The following MTUS2 variants were observed in gnomAD, a reference collection of about 807,000 sequenced individuals.
The protein encoded by MTUS2 is microtubule associated scaffold protein 2.
In MTUS2, 40 loss-of-function variants were observed where a neutral mutation model predicts 114.1. That is an observed-to-expected ratio of 0.35 (90% CI 0.27 to 0.46). The LOEUF (loss-of-function observed/expected upper bound fraction) is 0.46, where lower values mean the gene tolerates loss of function less well. MTUS2 is among the 20% of genes least tolerant of loss of function. The pLI is 1.00. For synonymous variants in MTUS2, 688 were observed against 672.0 expected (o/e 1.02, Z -0.37); for missense variants, 1,679 against 1,705.4 (o/e 0.98, Z 0.27).
intron 2 of MTUS2, among the ~76,000 whole-genome samples, chr13:28,951,494 A>G (rs1882805894): frequency 6.6e-6 from 1 of 152,120 alleles, no homozygotes; most frequent in African/African-American, 2.4e-5. Context: ...CATTCTCTTA[A>G]TTAAAAAAAA....
intron 5 of MTUS2, among the ~76,000 whole-genome samples, chr13:29,183,083 AT>A (rs1199982681): frequency 6.6e-6 from 1 of 152,212 alleles, no homozygotes; most frequent in African/African-American, 2.4e-5. Flanking sequence ...TTATGTCTTA[AT>A]CATATCCATC....
chr13:29,001,916 C>T (rs776172729), intron 2 of MTUS2, among the ~76,000 whole-genome samples: 4 of 152,132 alleles, frequency 2.6e-5, no homozygotes, highest in African/African-American at 9.7e-5. Context: ...TACAGCTAAG[C>T]ATTCAGGTCG....
chr13:28,885,337 G>A (rs978829345), intron 2 of MTUS2, among the ~76,000 whole-genome samples: 9 of 152,124 alleles, frequency 5.9e-5, no homozygotes, highest in African/African-American at 1.9e-4. Flanking sequence ...TTACTTCTGT[G>A]GATAAAGGGA....
chr13:29,363,164 C>T (rs1688734350), intron 8 of MTUS2, among the ~76,000 whole-genome samples: 1 of 152,116 alleles, frequency 6.6e-6, no homozygotes, highest in African/African-American at 2.4e-5. Flanking sequence ...CTGTGTGGTT[C>T]CCCGTAATGC....
chr13:28,975,534 G>C (rs1453340509), intron 2 of MTUS2, among the ~76,000 whole-genome samples: 1 of 151,662 alleles, frequency 6.6e-6, no homozygotes, highest in Non-Finnish European at 1.5e-5. Context: ...CAGCACTGTA[G>C]GAAAACCCAT....
At chr13:29,307,336 A>T (rs1334643881) in intron 6 of MTUS2, 9 of 700,848 alleles carry the variant, frequency 1.3e-5, no homozygotes, top group Non-Finnish European at 2.1e-5. Context: ...CACCCAGAAG[A>T]CTGTGGATGG....
At chr13:29,064,336 G>A (rs950693222) in intron 4 of MTUS2, among the ~76,000 whole-genome samples, 1 of 150,926 alleles carries the variant, frequency 6.6e-6, no homozygotes, top group Admixed American at 6.6e-5. Flanking sequence ...AAAGCCAGAT[G>A]GGTAGGTTGG....
chr13:28,978,936 C>G (rs1232342811), intron 2 of MTUS2, among the ~76,000 whole-genome samples: 1 of 152,184 alleles, frequency 6.6e-6, no homozygotes, highest in African/African-American at 2.4e-5. Flanking sequence ...CCATTTCACT[C>G]AATATGACCT....
At chr13:29,005,386 A>G (rs1045578691) in intron 2 of MTUS2, among the ~76,000 whole-genome samples, 16 of 152,152 alleles carry the variant, frequency 1.1e-4, no homozygotes, top group African/African-American at 3.6e-4. Flanking sequence ...TCCAAATTGT[A>G]AATGGTGATT....
chr13:28,838,290 A>C (rs1352544330), intron 1 of MTUS2, among the ~76,000 whole-genome samples: 1 of 152,180 alleles, frequency 6.6e-6, no homozygotes, highest in Non-Finnish European at 1.5e-5. Flanking sequence ...AATTTTCTAT[A>C]TCTGGGGTAC....
chr13:28,850,890 C>T (rs1481522503), intron 2 of MTUS2, among the ~76,000 whole-genome samples: 2 of 152,148 alleles, frequency 1.3e-5, no homozygotes, highest in Non-Finnish European at 2.9e-5. Context: ...TTGATTTTTG[C>T]ATTCAGAATT....
rs553301740 is a variant in MTUS2 at position 29,037,635 on chromosome 13, T to C, written c.2446+3510T>C. Among the ~76,000 whole-genome samples the C allele has an allele frequency of 4.6e-5, 7 of 152,332 alleles. No homozygotes were observed. The East Asian group carries it at 1.2e-3, about 25-fold the overall frequency. On this transcript the variant is annotated intron_variant, in intron 4 of 15. Transcript: ENST00000612955. ...CAACTCGGTTCCATTCTCCCCGTCA[T>C]TTTCAGGTACACCAATCAAATGTAG...
chr13:28,857,915 G>A (rs1280773283), intron 2 of MTUS2, among the ~76,000 whole-genome samples: 1 of 152,152 alleles, frequency 6.6e-6, no homozygotes, highest in Non-Finnish European at 1.5e-5. Context: ...GTCCTGGACT[G>A]GGCACTAAGA....
At chr13:29,340,202 A>G (rs1901323210) in intron 7 of MTUS2, among the ~76,000 whole-genome samples, 1 of 152,116 alleles carries the variant, frequency 6.6e-6, no homozygotes, top group Non-Finnish European at 1.5e-5. Context: ...GGGACGAGGG[A>G]AGCTCAAGCC....
intron 4 of MTUS2, among the ~76,000 whole-genome samples, chr13:29,099,695 C>G (rs1024987302): frequency 6.6e-6 from 1 of 152,146 alleles, no homozygotes; most frequent in Admixed American, 6.5e-5. Context: ...TATATAGGCA[C>G]TCATGGTAAA....
intron 5 of MTUS2, among the ~76,000 whole-genome samples, chr13:29,247,966 G>A (rs1420620101): frequency 6.6e-6 from 1 of 152,186 alleles, no homozygotes; most frequent in Non-Finnish European, 1.5e-5. Flanking sequence ...TTATAGCAGT[G>A]CAATTCACAA....
chr13:29,447,351 GC>G (rs1355292070), intron 9 of MTUS2, among the ~76,000 whole-genome samples: 1 of 152,122 alleles, frequency 6.6e-6, no homozygotes, highest in African/African-American at 2.4e-5. Flanking sequence ...AGTTTCTAGA[GC>G]ATAAAGGGGG....
chr13:28,894,588 G>C (rs1226796854), intron 2 of MTUS2, among the ~76,000 whole-genome samples: 3 of 152,202 alleles, frequency 2.0e-5, no homozygotes, highest in Admixed American at 6.5e-5. Flanking sequence ...GACCAATACA[G>C]TGCTACCATG....
In MTUS2 at chr13:29,415,124, C is replaced by A. The variant is rs184505986; in HGVS notation, c.3118-24859C>A. On this transcript the variant is annotated intron_variant, in intron 8 of 15. Coordinates refer to ENST00000612955, the MANE Select transcript of MTUS2 (RefSeq NM_001033602.4). ...TGTTTTTAGTTTTGGTTAATAATTT[C>A]TTTTTTTCCTTTTTGCATTGTGTTC... Among the ~76,000 whole-genome samples the A allele has an allele frequency of 1.9e-3, 283 of 151,058 alleles. 2 individuals carry two copies. Among genetic ancestry groups the A allele is most frequent in the African/African-American group, 6.5e-3 (267 of 41,240 alleles).
Sources: allele counts gnomAD v4.1 joint callset (sites outside exome capture counted in the v4.1 genomes callset), GRCh38; gene constraint gnomAD v4.1.1; transcripts MANE v1.5; gene names NCBI Gene and HGNC (gene_info 2026-07-23, HGNC 2026-07-21).